Variants in DCC observed in about 807,000 individuals in gnomAD.
The protein encoded by DCC is DCC netrin 1 receptor.
Under a neutral mutation model 172.5 loss-of-function variants are expected in DCC, and 58 were observed. The observed-to-expected ratio is 0.34, with a 90% CI of 0.27 to 0.42. DCC has a LOEUF of 0.42. Among genes scored for constraint, DCC ranks in the 10% least tolerant of loss-of-function variants. DCC has a pLI of 1.00. For synonymous variants in DCC, 709 were observed against 644.5 expected, an observed-to-expected ratio of 1.10 and a Z score of -1.52; for missense variants, 1,740 against 1,791.0, an observed-to-expected ratio of 0.97 and a Z score of 0.51.
At chr18:52,868,294 G>A (rs960308325) in intron 2 of DCC, among the ~76,000 whole-genome samples, 4 of 151,978 alleles carry the variant, frequency 2.6e-5, no homozygotes, top group African/African-American at 4.8e-5. Flanking sequence ...AAGTTAAAAC[G>A]GGTTTAATGG....
intron 5 of DCC, among the ~76,000 whole-genome samples, chr18:53,022,539 A>ATGTGTGTGTG (rs147745217): frequency 2.5e-4 from 30 of 117,720 alleles, no homozygotes; most frequent in African/African-American, 7.4e-4. Flanking sequence ...TTATATATAT[A>ATGTGTGTGTG]TGTGCGTGTG....
chr18:53,055,480 A>G (rs1238527327), intron 5 of DCC, among the ~76,000 whole-genome samples: 1 of 152,116 alleles, frequency 6.6e-6, no homozygotes, highest in Non-Finnish European at 1.5e-5. Flanking sequence ...CTTAGAATGA[A>G]ATCCATACCT....
intron 1 of DCC, among the ~76,000 whole-genome samples, chr18:52,524,984 G>C (rs1434194794): frequency 6.6e-6 from 1 of 151,942 alleles, no homozygotes; most frequent in African/African-American, 2.4e-5. Context: ...ATAGTGTCAA[G>C]GTATGTATCT....
At chr18:53,338,795 A>C (rs746850270) in intron 14 of DCC, among the ~76,000 whole-genome samples, 101 of 152,348 alleles carry the variant, frequency 6.6e-4, no homozygotes, top group Non-Finnish European at 1.2e-3. Context: ...TTTAATATCT[A>C]GCAATATTTG....
At chr18:52,552,737 A>C (rs1363905188) in intron 1 of DCC, among the ~76,000 whole-genome samples, 5 of 152,076 alleles carry the variant, frequency 3.3e-5, no homozygotes, top group Non-Finnish European at 7.4e-5. Flanking sequence ...TTAGTAATTA[A>C]GATAATTCTA....
At chr18:53,242,871 G>GGTGTGTGTGT (rs3059140) in intron 12 of DCC, among the ~76,000 whole-genome samples, 3 of 148,432 alleles carry the variant, frequency 2.0e-5, no homozygotes, top group African/African-American at 7.4e-5. Flanking sequence ...ATGACAAGTA[G>GGTGTGTGTGT]GTGTGTGTGT....
intron 1 of DCC, among the ~76,000 whole-genome samples, chr18:52,558,745 G>A (rs2032971918): frequency 6.6e-6 from 1 of 152,108 alleles, no homozygotes; most frequent in Non-Finnish European, 1.5e-5. Flanking sequence ...AATGAAAAAT[G>A]AAAAACAAAG....
At chr18:52,698,665 C>G (rs1416800243) in intron 1 of DCC, among the ~76,000 whole-genome samples, 1 of 152,056 alleles carries the variant, frequency 6.6e-6, no homozygotes, top group Admixed American at 6.5e-5. Context: ...CAATCACAAC[C>G]TCTGCTCACT....
chr18:52,507,689 T>C (rs187272629), intron 1 of DCC, among the ~76,000 whole-genome samples: 113 of 152,338 alleles, frequency 7.4e-4, no homozygotes, highest in African/African-American at 2.7e-3. Flanking sequence ...CCTTTTCTTT[T>C]GCTTTCTCAA....
At chr18:53,185,991 G>A (rs191610707) in intron 9 of DCC, among the ~76,000 whole-genome samples, 1 of 152,180 alleles carries the variant, frequency 6.6e-6, no homozygotes, top group East Asian at 1.9e-4. Context: ...AGCATCTTCC[G>A]AAGTTCAACT....
intron 2 of DCC, among the ~76,000 whole-genome samples, chr18:52,808,503 A>G (rs975085481): frequency 6.6e-6 from 1 of 152,184 alleles, no homozygotes; most frequent in Admixed American, 6.5e-5. Context: ...ATAGAAAACA[A>G]TTTTATAAAT....
chr18:52,548,448 T>C (rs2032675029), intron 1 of DCC, among the ~76,000 whole-genome samples: 1 of 152,090 alleles, frequency 6.6e-6, no homozygotes, highest in East Asian at 1.9e-4. Flanking sequence ...GGCAAACCAG[T>C]GTGCTTGGTC....
At position 53,534,919 on chromosome 18, in the gene DCC, A is replaced by G. The variant is rs2046557970; in HGVS notation, c.*4266A>G. 1 of 152,154 alleles carries G rather than the reference A, an allele frequency of 6.6e-6. No individual in the cohort carries two copies. Among genetic ancestry groups the G allele is most frequent in the Admixed American group, 6.5e-5 (1 of 15,268 alleles). 9.4% of individuals were successfully genotyped at this position (152,154 alleles called of 1,614,324 possible). The stretch of plus-strand genomic sequence containing the variant: ...GAAGGACTTTTTTCTCTTACTCTCA[A>G]TAGAGAGCCTTTGTACATTGTCATC... On this transcript the variant is annotated 3_prime_UTR_variant, in exon 29 of 29. Coordinates refer to ENST00000442544, the MANE Select transcript of DCC (RefSeq NM_005215.4).
intron 5 of DCC, among the ~76,000 whole-genome samples, chr18:53,014,761 T>C (rs1160543528): frequency 6.6e-6 from 1 of 152,002 alleles, no homozygotes; most frequent in Non-Finnish European, 1.5e-5. Flanking sequence ...ATCCCTAAGT[T>C]ACCTTTAGAG....
intron 1 of DCC, among the ~76,000 whole-genome samples, chr18:52,701,872 C>A (rs569504527): frequency 6.6e-6 from 1 of 152,226 alleles, no homozygotes; most frequent in Non-Finnish European, 1.5e-5. Context: ...ACCCCAGTTA[C>A]AGGAAGGCCT....
At chr18:52,889,632 T>C (rs753709146) in intron 2 of DCC, among the ~76,000 whole-genome samples, 2 of 152,160 alleles carry the variant, frequency 1.3e-5, no homozygotes, top group Non-Finnish European at 2.9e-5. Flanking sequence ...TAGAGTGTAC[T>C]GTAAATCTTG....
intron 1 of DCC, among the ~76,000 whole-genome samples, chr18:52,679,216 A>G (rs1340499134): frequency 6.6e-6 from 1 of 152,090 alleles, no homozygotes; most frequent in Non-Finnish European, 1.5e-5. Flanking sequence ...ATGCATTATT[A>G]TAATTACCAT....
At chr18:53,041,579 G>C (rs1440316686) in intron 5 of DCC, among the ~76,000 whole-genome samples, 4 of 151,982 alleles carry the variant, frequency 2.6e-5, no homozygotes, top group South Asian at 2.1e-4. Flanking sequence ...GATGGGAATA[G>C]TATTAAATCT....
At chr18:53,529,026 TCTCTCTCTCTCTCACACACACACA>T (rs1251346643) in intron 28 of DCC, among the ~76,000 whole-genome samples, 46 of 65,120 alleles carry the variant, frequency 7.1e-4, no homozygotes, top group African/African-American at 3.5e-3. Flanking sequence ...TCTCTCTCTC[TCTCTCTCTCTCTCACACACACACA>T]CACACACACA....
Sources: gnomAD v4.1 joint callset for allele counts (sites outside exome capture counted in the v4.1 genomes callset) on GRCh38, gnomAD v4.1.1 for gene constraint, MANE v1.5 for transcripts, NCBI Gene and HGNC (gene_info 2026-07-23, HGNC 2026-07-21) for gene names.